Variants in NEBL observed in about 807,000 individuals in gnomAD.
The protein encoded by NEBL is nebulette.
Under a neutral mutation model 140.2 loss-of-function variants are expected in NEBL, and 122 were observed. That is an observed-to-expected ratio of 0.87 (90% CI 0.75 to 1.01). The LOEUF (loss-of-function observed/expected upper bound fraction) is 1.01, where lower values mean the gene tolerates loss of function less well. Ranked by LOEUF, NEBL falls within the 50% of genes least tolerant of loss-of-function variation. The pLI is 0.00. For missense variants in NEBL, 1,365 were observed against 1,231.3 expected (o/e 1.11, Z -1.62); for synonymous variants, 436 against 398.9 (o/e 1.09, Z -1.11).
chr10:20,808,534 C>A lies in NEBL; in HGVS notation c.2737G>T (p.Val913Leu). The A allele has an allele frequency of 6.2e-7, 1 of 1,613,896 alleles. No homozygotes were observed. The highest frequency in any genetic ancestry group is 8.5e-7 in the Non-Finnish European group (1 of 1,179,890). Residue 913 changes from valine (V) to leucine (L), a missense_variant, in exon 26 of 28, where the codon GTA becomes TTA. Transcript: ENST00000377122. Reference sequence around the variant, plus strand: ...CCTCCTTCATCAGACGGTCTTGTTACCTCACTGCAGCATGAAAAGCTAGGG... The same window carrying A: ...CCTCCTTCATCAGACGGTCTTGTTAACTCACTGCAGCATGAAAAGCTAGGG... Reference protein sequence around the residue: ...IYPSFSCCSEVTRPSDEGAPV... With the variant: ...IYPSFSCCSELTRPSDEGAPV...
At chr10:21,022,418 G>A (rs951031517) in intron 2 of NEBL, among the ~76,000 whole-genome samples, 1 of 152,186 alleles carries the variant, frequency 6.6e-6, no homozygotes, top group Non-Finnish European at 1.5e-5. Context: ...GCTAGCACTT[G>A]CGAAATAAAG....
intron 2 of NEBL, among the ~76,000 whole-genome samples, chr10:21,020,643 CT>C (rs1253009337): frequency 6.6e-6 from 1 of 152,192 alleles, no homozygotes; most frequent in Non-Finnish European, 1.5e-5. Context: ...AGAAGTTTCT[CT>C]TGCCCGTTAT....
At chr10:20,823,950 A>C (rs1839601340) in intron 18 of NEBL, among the ~76,000 whole-genome samples, 1 of 152,152 alleles carries the variant, frequency 6.6e-6, no homozygotes, top group African/African-American at 2.4e-5. Context: ...TCACATTAGG[A>C]AAAGCTCACC....
rs1840110273 is a variant in NEBL, at chr10:20,828,619, C to T, written c.1687G>A (p.Glu563Lys). Residue 563 changes from glutamate to lysine, a missense_variant, in exon 17 of 28, where the codon GAA becomes AAA. Physicochemically the swap from Glu to Lys is moderately conservative, Grantham distance 56 (BLOSUM62 1). This residue lies in a region of NEBL where 1,323 missense variants were observed against 1,154.8 expected (regional missense o/e 1.15). Coordinates refer to ENST00000377122, the MANE Select transcript of NEBL (RefSeq NM_006393.3). Reference sequence around the variant, plus strand: ...TAGTTAGAAAGCATCTTCTCTGCTTCATCTTTATACTTTCTCTAAAAACAT... The same window carrying T: ...TAGTTAGAAAGCATCTTCTCTGCTTTATCTTTATACTTTCTCTAAAAACAT... ...EIYSQRKYKD[E>K]AEKMLSNYST... 6.4e-7 allele frequency: 1 copy of T among 1,569,010 alleles called. No homozygotes were observed. Among genetic ancestry groups the T allele is most frequent in the African/African-American group, 1.4e-5 (1 of 73,782 alleles).
chr10:21,288,223 A>G (rs1156550849), intron 1 of NEBL, among the ~76,000 whole-genome samples: 2 of 152,130 alleles, frequency 1.3e-5, no homozygotes, highest in Non-Finnish European at 2.9e-5. Flanking sequence ...TAATCCCAGC[A>G]CTTTGGGAGG....
chr10:21,265,465 A>G (rs537198860), intron 1 of NEBL, among the ~76,000 whole-genome samples: 4 of 152,274 alleles, frequency 2.6e-5, no homozygotes, highest in African/African-American at 9.6e-5. Flanking sequence ...TACCCCAAAA[A>G]ATAGTCTTTG....
At chr10:21,236,345 ATTTTTTTTTT>A (rs147170707) in intron 3 of NEBL, among the ~76,000 whole-genome samples, 1 of 125,364 alleles carries the variant, frequency 8.0e-6, no homozygotes, top group Non-Finnish European at 1.6e-5. Context: ...CCTTTTTTTA[ATTTTTTTTTT>A]TTTTTTTTTT....
At chr10:20,795,350 T>G (rs972425756) in intron 26 of NEBL, among the ~76,000 whole-genome samples, 3 of 152,194 alleles carry the variant, frequency 2.0e-5, no homozygotes, top group Admixed American at 2.0e-4. Flanking sequence ...ATATGTGTGG[T>G]AAACATCCAA....
At chr10:21,154,978 A>T (rs1840284211) in intron 2 of NEBL, among the ~76,000 whole-genome samples, 1 of 152,144 alleles carries the variant, frequency 6.6e-6, no homozygotes, top group African/African-American at 2.4e-5. Flanking sequence ...AGGCGGGTGG[A>T]TCACGAGGTC....
At chr10:20,812,158 GT>G (rs1838213663) in intron 24 of NEBL, among the ~76,000 whole-genome samples, 1 of 152,092 alleles carries the variant, frequency 6.6e-6, no homozygotes, top group Admixed American at 6.5e-5. Flanking sequence ...ACGCAATATG[GT>G]TATTTCTGCC....
At chr10:20,791,983 G>C (rs538885508) in intron 26 of NEBL, among the ~76,000 whole-genome samples, 2 of 152,234 alleles carry the variant, frequency 1.3e-5, no homozygotes, top group South Asian at 4.1e-4. Context: ...CAGAGGCTGA[G>C]AGATTGAACA....
intron 2 of NEBL, among the ~76,000 whole-genome samples, 194 bp downstream of exon 2, chr10:20,896,764 G>A (rs1316440504): frequency 6.6e-6 from 1 of 152,056 alleles, no homozygotes; most frequent in Non-Finnish European, 1.5e-5. Context: ...GAGGAGACTT[G>A]CTCTAGCAGA....
At chr10:20,866,997 T>C (rs935629061) in intron 7 of NEBL, among the ~76,000 whole-genome samples, 1 of 152,104 alleles carries the variant, frequency 6.6e-6, no homozygotes, top group African/African-American at 2.4e-5. Context: ...ATATTATAGA[T>C]ATTGTACACT....
chr10:21,005,165 G>A (rs1838083759), intron 3 of NEBL, among the ~76,000 whole-genome samples: 1 of 152,180 alleles, frequency 6.6e-6, no homozygotes, highest in African/African-American at 2.4e-5. Flanking sequence ...CCTGACTTGT[G>A]CAGACACACA....
intron 2 of NEBL, among the ~76,000 whole-genome samples, chr10:21,164,606 A>G (rs1167875338): frequency 1.3e-5 from 2 of 152,224 alleles, no homozygotes; most frequent in African/African-American, 4.8e-5. Flanking sequence ...AACAGGCAGA[A>G]CTTACACATC....
chr10:20,869,786 C>A lies in NEBL; in HGVS notation c.536G>T (p.Arg179Leu), dbSNP rs750476653. The change falls in exon 6 of 28, where the codon CGA becomes CTA. Residue 179 changes from arginine to leucine, a missense_variant. Transcript: ENST00000377122. ...DTHTYSAELD[R>L]PDIKMATQIS... is the part of the protein sequence containing the mutation. ...CTGGGTTGCCATCTTGATGTCTGGTCGGTCAAGTTCTGCACTGTACGTGTG... is the reference window on the plus strand; with the variant it reads ...CTGGGTTGCCATCTTGATGTCTGGTAGGTCAAGTTCTGCACTGTACGTGTG... The A allele has an allele frequency of 5.0e-6, 8 of 1,613,458 alleles. No homozygotes were observed. Among genetic ancestry groups the A allele is most frequent in the Non-Finnish European group, 6.8e-6 (8 of 1,179,498 alleles).
intron 2 of NEBL, among the ~76,000 whole-genome samples, chr10:21,151,677 G>C (rs555051032): frequency 1.1e-3 from 172 of 152,106 alleles, no homozygotes; most frequent in Non-Finnish European, 2.1e-3. Flanking sequence ...TTCCACACAG[G>C]CTTCCTGCCT....
At chr10:21,018,086 T>C (rs1329775252) in intron 3 of NEBL, among the ~76,000 whole-genome samples, 1 of 152,168 alleles carries the variant, frequency 6.6e-6, no homozygotes, top group Non-Finnish European at 1.5e-5. Flanking sequence ...CCTCCCAAAG[T>C]GCTCGGATTA....
intron 12 of NEBL, among the ~76,000 whole-genome samples, chr10:20,843,436 C>G (rs1025878230): frequency 6.6e-6 from 1 of 151,648 alleles, no homozygotes; most frequent in South Asian, 2.1e-4. Context: ...AGACTCACTC[C>G]AAAACAGGAA....
Sources: gnomAD v4.1 joint callset for allele counts (sites outside exome capture counted in the v4.1 genomes callset) on GRCh38, gnomAD v4.1.1 for gene constraint, gnomAD v4.1.1 regional missense constraint, MANE v1.5 for transcripts, NCBI Gene and HGNC (gene_info 2026-07-23, HGNC 2026-07-21) for gene names.